Variants in MGLL observed in about 807,000 individuals in gnomAD.
The protein encoded by MGLL is lysophospholipase homolog.
A neutral mutation model predicts 29.1 loss-of-function variants in MGLL; 7 were observed. The observed-to-expected ratio is 0.24, with a 90% CI of 0.14 to 0.45. The LOEUF is 0.45. Among genes scored for constraint, MGLL ranks in the 20% least tolerant of loss-of-function variants. The pLI, the probability that MGLL is intolerant of heterozygous loss-of-function variation, is 0.99. For synonymous variants in MGLL, 148 were observed against 168.3 expected (o/e 0.88, Z 0.93); for missense variants, 356 against 413.6 (o/e 0.86, Z 1.21).
intron 2 of MGLL, among the ~76,000 whole-genome samples, chr3:127,795,470 G>T (rs917790622): frequency 6.6e-6 from 1 of 151,988 alleles, no homozygotes; most frequent in Non-Finnish European, 1.5e-5. Context: ...TGGGTGATGG[G>T]ATCAGTCATA....
intron 3 of MGLL, among the ~76,000 whole-genome samples, chr3:127,750,753 T>A (rs1460482010): frequency 6.6e-6 from 1 of 152,190 alleles, no homozygotes; most frequent in Non-Finnish European, 1.5e-5. Flanking sequence ...TACAATGAAC[T>A]GGTATTTTGT....
At chr3:127,792,318 T>C (rs1333065906) in intron 2 of MGLL, among the ~76,000 whole-genome samples, 1 of 152,204 alleles carries the variant, frequency 6.6e-6, no homozygotes, top group Non-Finnish European at 1.5e-5. Flanking sequence ...GCTGGAGTAA[T>C]GGCAAAGGGA....
In MGLL at chr3:127,722,484, A is replaced by G; in HGVS notation, c.345T>C (p.Asp115=). 1 of 1,614,176 alleles carries G rather than the reference A, an allele frequency of 6.2e-7. No homozygotes were observed. Among genetic ancestry groups the G allele is most frequent in the East Asian group, 2.2e-5 (1 of 44,878 alleles). Reference sequence around the variant, plus strand: ...GCCCAGGGTAGTCTTTCTGCATGGAATCCACATGCTGCAACACATCCCTGA... The same window carrying G: ...GCCCAGGGTAGTCTTTCTGCATGGAGTCCACATGCTGCAACACATCCCTGA... ...VFVRDVLQHV[D]SMQKDYPGLP... is the part of the protein sequence containing the mutation. Residue 115 remains aspartate, a synonymous_variant, in exon 4 of 8, where the codon GAT becomes GAC. Coordinates refer to ENST00000265052, the MANE Select transcript of MGLL (RefSeq NM_007283.7).
intron 3 of MGLL, among the ~76,000 whole-genome samples, chr3:127,771,341 C>T (rs951950076): frequency 2.0e-5 from 3 of 152,068 alleles, no homozygotes; most frequent in African/African-American, 4.8e-5. Context: ...TGTCTTCCTC[C>T]AGTTATGCAT....
At chr3:127,720,609 G>A (rs1461415799) in intron 5 of MGLL, among the ~76,000 whole-genome samples, 1 of 152,200 alleles carries the variant, frequency 6.6e-6, no homozygotes, top group East Asian at 1.9e-4. Context: ...GGTCAAAAGT[G>A]CCCGGGGCGG....
At chr3:127,799,225 T>G (rs967069827) in intron 2 of MGLL, among the ~76,000 whole-genome samples, 36 of 152,186 alleles carry the variant, frequency 2.4e-4, no homozygotes, top group African/African-American at 8.4e-4. Flanking sequence ...CAGGTCCTCC[T>G]CCTGGCCCTT....
intron 4 of MGLL, among the ~76,000 whole-genome samples, chr3:127,721,511 T>G (rs1057255269): frequency 1.3e-5 from 2 of 148,674 alleles, no homozygotes; most frequent in Non-Finnish European, 3.0e-5. Flanking sequence ...AGGAGGGTTT[T>G]TTTTTTTTTT....
At chr3:127,807,057 G>T (rs1012464241) in intron 2 of MGLL, among the ~76,000 whole-genome samples, 17 of 152,174 alleles carry the variant, frequency 1.1e-4, no homozygotes, top group Admixed American at 3.3e-4. Flanking sequence ...AGGTTTGTGA[G>T]AATTGGTATT....
At chr3:127,789,242 G>C (rs189144806) in intron 2 of MGLL, among the ~76,000 whole-genome samples, 56 of 152,206 alleles carry the variant, frequency 3.7e-4, no homozygotes, top group Admixed American at 7.9e-4. Context: ...GCCATGGTGG[G>C]AGGAGCTGCT....
intron 6 of MGLL, among the ~76,000 whole-genome samples, chr3:127,703,568 C>G (rs1346869528): frequency 6.6e-6 from 1 of 152,200 alleles, no homozygotes; most frequent in South Asian, 2.1e-4. Flanking sequence ...CATTCAGGAT[C>G]GTGGTGTCTG....
intron 2 of MGLL, among the ~76,000 whole-genome samples, chr3:127,817,057 G>C (rs2077770786): frequency 1.3e-5 from 2 of 152,234 alleles, no homozygotes; most frequent in Non-Finnish European, 2.9e-5. Flanking sequence ...AGAGGAGGGA[G>C]CCATGGTGAG....
intron 2 of MGLL, among the ~76,000 whole-genome samples, chr3:127,788,559 C>T (rs939451874): frequency 1.3e-5 from 2 of 152,138 alleles, no homozygotes; most frequent in African/African-American, 4.8e-5. Flanking sequence ...GTCCCGGCAC[C>T]CCTACCCTAC....
In MGLL at chr3:127,781,949, G is replaced by A. The variant is rs541908730; in HGVS notation, c.156-54C>T. On this transcript the variant is annotated intron_variant, in intron 2 of 7. Transcript: ENST00000265052. ...GGAAAGCCCACACGGGGCTGGGCGC[G>A]GTGGCTCATGCCTACAATTCCAGCA... 232 of 1,542,170 alleles carry A rather than the reference G, an allele frequency of 1.5e-4. 1 individual carries two copies. In the South Asian group the frequency reaches 2.2e-3, roughly 15 times the overall value.
At chr3:127,803,948 T>G (rs2077522238) in intron 2 of MGLL, among the ~76,000 whole-genome samples, 1 of 152,218 alleles carries the variant, frequency 6.6e-6, no homozygotes, top group Admixed American at 6.5e-5. Context: ...AGTGCAGAGC[T>G]GCAATACACT....
chr3:127,800,470 C>T (rs1181515356), intron 2 of MGLL, among the ~76,000 whole-genome samples: 2 of 152,200 alleles, frequency 1.3e-5, no homozygotes, highest in East Asian at 1.9e-4. Context: ...ACTGTTTCTT[C>T]ATCTGTGAAA....
chr3:127,747,306 C>G (rs747700017), intron 3 of MGLL, among the ~76,000 whole-genome samples: 2 of 152,164 alleles, frequency 1.3e-5, no homozygotes, highest in Non-Finnish European at 2.9e-5. Context: ...CTGAAACACC[C>G]CTCCACCCTG....
At chr3:127,726,282 G>A (rs1410908232) in intron 3 of MGLL, among the ~76,000 whole-genome samples, 1 of 36,962 alleles carries the variant, frequency 2.7e-5, no homozygotes, top group Non-Finnish European at 6.7e-5. Flanking sequence ...GAGGGAGAGA[G>A]GAAGGAAGGA....
chr3:127,798,043 A>G (rs1253719496), intron 2 of MGLL, among the ~76,000 whole-genome samples: 3 of 152,240 alleles, frequency 2.0e-5, no homozygotes, highest in Non-Finnish European at 4.4e-5. Flanking sequence ...TGAAACAGAT[A>G]TATGTATTAA....
At chr3:127,712,409 C>T (rs538768550) in intron 5 of MGLL, 1 of 152,262 alleles carries the variant, frequency 6.6e-6, no homozygotes, top group Admixed American at 6.5e-5. Flanking sequence ...AGGCAGACAG[C>T]AAAAAACGGG....
Sources: gnomAD v4.1 joint callset for allele counts (sites outside exome capture counted in the v4.1 genomes callset) on GRCh38, gnomAD v4.1.1 for gene constraint, MANE v1.5 for transcripts, NCBI Gene and HGNC (gene_info 2026-07-23, HGNC 2026-07-21) for gene names.